CERS1: variants seen among roughly 807,000 people sequenced by gnomAD.
The protein encoded by CERS1 is ceramide synthase 1, also known as Embryonic growth/differentiation factor 1.
In CERS1, 16 loss-of-function variants were observed where a neutral mutation model predicts 35.7. The observed-to-expected ratio is 0.45, with a 90% CI of 0.30 to 0.68. CERS1 has a LOEUF of 0.68. CERS1 is among the 30% of genes least tolerant of loss of function. The pLI is 0.08. For missense variants in CERS1, 454 were observed against 453.9 expected (o/e 1.00, Z 0.00); for synonymous variants, 243 against 201.6 (o/e 1.21, Z -1.74).
At chr19:18,890,538 G>A (rs897755343) in intron 2 of CERS1, among the ~76,000 whole-genome samples, 1 of 152,140 alleles carries the variant, frequency 6.6e-6, no homozygotes, top group African/African-American at 2.4e-5. Context: ...ACCACTTTGG[G>A]AGGCTGAGGT....
chr19:18,870,036 T>C lies in CERS1; in HGVS notation c.*541A>G. ...TCCGGCGACCCCCAGCTCCTCCACG[T>C]GGCACGGTTGCAGGGTGACCCCTGG... On this transcript the variant is annotated 3_prime_UTR_variant, in exon 7 of 8. Transcript: ENST00000623882. This position sits in a 1 kb window ranked among gnomAD's most constrained non-coding sequence, Gnocchi z 5.1. 1 of 1,596,628 alleles carries C rather than the reference T, an allele frequency of 6.3e-7. No individual in the cohort carries two copies. The highest frequency in any genetic ancestry group is 1.1e-5 in the South Asian group (1 of 88,684).
intron 4 of CERS1, 97 bp downstream of exon 4, chr19:18,880,177 C>G: frequency 7.6e-7 from 1 of 1,311,226 alleles, no homozygotes; most frequent in East Asian, 2.6e-5. Flanking sequence ...CCTCACCGGG[C>G]CCCGCCTCCT....
rs968691003 is a variant in CERS1, at chr19:18,896,080, G to A, written c.-8C>T. ...GGGCCCCGCCGCCGCCATACCGCCC[G>A]CTCGCCCGCCGTGCCCGTCGCCTGC... On this transcript the variant is annotated 5_prime_UTR_variant, in exon 1 of 8. Coordinates refer to ENST00000623882, the MANE Select transcript of CERS1 (RefSeq NM_021267.5). This position sits in a 1 kb window ranked among gnomAD's most constrained non-coding sequence, Gnocchi z 5.9. 10 of 955,930 alleles carry A rather than the reference G, an allele frequency of 1.0e-5. No homozygotes were observed. The highest frequency in any genetic ancestry group is 1.1e-5 in the Non-Finnish European group (9 of 805,506). 59.2% of individuals were successfully genotyped at this position (955,930 alleles called of 1,614,324 possible). A position where few individuals can be genotyped will look rare whatever the true frequency, so the allele number is the denominator to read the frequency against.
At position 18,888,949 on chromosome 19, in the gene CERS1, T is replaced by C. The variant is rs1373275674; in HGVS notation, c.409+4467A>G. On this transcript the variant is annotated intron_variant, in intron 2 of 7. Coordinates refer to ENST00000623882, the MANE Select transcript of CERS1 (RefSeq NM_021267.5). The stretch of plus-strand genomic sequence containing the variant: ...CTCTGTCGCCTAGGCTGGAGTGCAG[T>C]AGCATGATCTCGACTCACTGCAACC... Among the ~76,000 whole-genome samples the C allele has an allele frequency of 4.7e-5, 7 of 147,694 alleles. No individual in the cohort carries two copies. The Admixed American group carries it at 4.8e-4, about 10-fold the overall frequency.
At chr19:18,872,175 C>T (rs879291281) in intron 6 of CERS1, among the ~76,000 whole-genome samples, 2 of 152,222 alleles carry the variant, frequency 1.3e-5, no homozygotes, top group Non-Finnish European at 2.9e-5. Flanking sequence ...ATGGGTGCCC[C>T]CGCCCTGGGG....
chr19:18,888,598 A>G (rs12972412), intron 2 of CERS1, among the ~76,000 whole-genome samples: 1 of 150,190 alleles, frequency 6.7e-6, no homozygotes, highest in East Asian at 2.0e-4. Flanking sequence ...TGGGAGGCCA[A>G]GGGAGGCAGA....
intron 4 of CERS1, among the ~76,000 whole-genome samples, chr19:18,879,997 A>C (rs1411422526): frequency 7.0e-6 from 1 of 142,094 alleles, no homozygotes; most frequent in Non-Finnish European, 1.5e-5. Context: ...CTATCTCACC[A>C]GGCCCCTCCC....
intron 6 of CERS1, among the ~76,000 whole-genome samples, chr19:18,875,125 A>T (rs1403410224): frequency 1.3e-5 from 2 of 151,984 alleles, no homozygotes; most frequent in Non-Finnish European, 2.9e-5. Context: ...GGTTCCAGCT[A>T]CTTGGGAGGC....
In CERS1 at chr19:18,878,947, C is replaced by T; in HGVS notation, c.993G>A (p.Leu331=). The change falls in exon 6 of 8, where the codon CTG becomes CTA. Residue 331 remains leucine (L), a synonymous_variant. Transcript: ENST00000623882. The surrounding 1 kb of genome is among the most constrained non-coding windows in gnomAD (Gnocchi z 4.6). ...REYDTAEAQS[L]KPSKAEKPLR... is the part of the protein sequence containing the mutation. ...ACACTCACTCGGCTTTGCTGGGCTT[C>T]AGGCTCTGGGCCTCGGCTGTGTCAT... The T allele has an allele frequency of 6.2e-7, 1 of 1,613,756 alleles. No individual in the cohort carries two copies. The highest frequency in any genetic ancestry group is 8.5e-7 in the Non-Finnish European group (1 of 1,179,842).
Position 18,896,136 on chromosome 19 carries a change from G to T in CERS1, c.-64C>A. On this transcript the variant is annotated 5_prime_UTR_variant, in exon 1 of 8. Coordinates refer to ENST00000623882, the MANE Select transcript of CERS1 (RefSeq NM_021267.5). The surrounding 1 kb of genome is among the most constrained non-coding windows in gnomAD (Gnocchi z 5.9). ...CCCGCGGTAGCCGACGGAGCCGCGC[G>T]CCCCGCGTCACGCGCCGCAGCTGGG... 1 of 642,332 alleles carries T rather than the reference G, an allele frequency of 1.6e-6. No homozygotes were observed. Among genetic ancestry groups the T allele is most frequent in the Non-Finnish European group, 1.9e-6 (1 of 519,922 alleles). The allele number at this position is 642,332 out of a possible 1,614,324, so 39.8% of individuals were successfully genotyped here.
At position 18,868,840 on chromosome 19, in the gene CERS1, C is replaced by G; in HGVS notation, c.*1145G>C. ...CGCACTGACCCTGGCAGTAGTTGGC[C>G]AGGAAGCCGCGCGGCGCGATGACCC... On this transcript the variant is annotated 3_prime_UTR_variant, in exon 8 of 8. Transcript: ENST00000623882. 6.9e-7 allele frequency: 1 copy of G among 1,452,014 alleles called. No individual in the cohort carries two copies. Among genetic ancestry groups the G allele is most frequent in the Admixed American group, 2.1e-5 (1 of 46,658 alleles). The allele number at this position is 1,452,014 out of a possible 1,614,324, so 89.9% of individuals were successfully genotyped here.
At chr19:18,891,609 G>C (rs868758723) in intron 2 of CERS1, among the ~76,000 whole-genome samples, 1 of 151,950 alleles carries the variant, frequency 6.6e-6, no homozygotes, top group Non-Finnish European at 1.5e-5. Flanking sequence ...GCAGGGTCTC[G>C]CTCTGTTGCC....
At chr19:18,885,425 G>A (rs11670447) in intron 2 of CERS1, among the ~76,000 whole-genome samples, 6,366 of 151,822 alleles carry the variant, frequency 0.042, 132 homozygotes, top group East Asian at 0.097. Flanking sequence ...TCGAACTCCT[G>A]GGCTCAAGCA....
At chr19:18,882,569 G>A (rs2056239019) in intron 3 of CERS1, among the ~76,000 whole-genome samples, 3 of 151,834 alleles carry the variant, frequency 2.0e-5, no homozygotes, top group Middle Eastern at 3.4e-3. Context: ...CCTGGGAGCC[G>A]GAGGTTGCAG....
At chr19:18,889,383 G>C (rs1037005115) in intron 2 of CERS1, among the ~76,000 whole-genome samples, 2 of 152,012 alleles carry the variant, frequency 1.3e-5, no homozygotes, top group Admixed American at 1.3e-4. Context: ...CAGGATAGGG[G>C]GGAAGTCCTG....
rs778213666 is a variant in CERS1 at position 18,869,362 on chromosome 19, G to T, written c.*623C>A. ...ACTCAGGGCAATGCCCCGCGGCCGA[G>T]GCAGGCTCCGAGGCCCGGGTGGGCG... On this transcript the variant is annotated 3_prime_UTR_variant, in exon 8 of 8. Transcript: ENST00000623882. 6.5e-7 allele frequency: 1 copy of T among 1,532,248 alleles called. No individual in the cohort carries two copies. Among genetic ancestry groups the T allele is most frequent in the Admixed American group, 2.0e-5 (1 of 51,124 alleles). 94.9% of individuals were successfully genotyped at this position (1,532,248 alleles called of 1,614,324 possible).
At chr19:18,892,772 C>T (rs2056523824) in intron 2 of CERS1, among the ~76,000 whole-genome samples, 1 of 152,116 alleles carries the variant, frequency 6.6e-6, no homozygotes. Context: ...ACACAGGGGT[C>T]CTTCCAGGAT....
chr19:18,893,640 G>T, intron 1 of CERS1, 65 bp from the exon 2 acceptor site: 2 of 1,508,856 alleles, frequency 1.3e-6, no homozygotes, highest in South Asian at 2.4e-5. Flanking sequence ...CCTTTGGGGT[G>T]GGGAAACTGA....
Position 18,884,200 on chromosome 19 carries a change from A to G in CERS1, c.477T>C (p.Tyr159=), listed in dbSNP as rs1426719277. 25 of 1,613,594 alleles carry G rather than the reference A, an allele frequency of 1.5e-5. No homozygotes were observed. The highest frequency in any genetic ancestry group is 2.0e-5 in the Non-Finnish European group (24 of 1,179,844). ...AAAYLLQGSF[Y]GHSIYATLYM... is the part of the protein sequence containing the mutation. ...ATAGCGTAGCGTAGATGGAGTGGCC[A>G]TAGAAGCTTCCCTGGAGCAGGTAGG... Residue 159 remains tyrosine, a synonymous_variant, in exon 3 of 8, where the codon TAT becomes TAC. Coordinates refer to ENST00000623882, the MANE Select transcript of CERS1 (RefSeq NM_021267.5).
Sources: allele counts gnomAD v4.1 joint callset (sites outside exome capture counted in the v4.1 genomes callset), GRCh38; gene constraint gnomAD v4.1.1; non-coding constraint Gnocchi (gnomAD v3.1); transcripts MANE v1.5; gene names NCBI Gene and HGNC (gene_info 2026-07-23, HGNC 2026-07-21).